Variants in RIMS2 observed in about 807,000 individuals in gnomAD.
RIMS2 encodes the protein regulating synaptic membrane exocytosis protein 2.
A neutral mutation model predicts 174.4 loss-of-function variants in RIMS2; 59 were observed. The observed-to-expected ratio is 0.34, with a 90% confidence interval of 0.27 to 0.42. RIMS2 has a LOEUF of 0.42. Ranked by LOEUF, RIMS2 falls within the 10% of genes least tolerant of loss-of-function variation. The pLI, the probability that RIMS2 is intolerant of heterozygous loss-of-function variation, is 1.00. For synonymous variants in RIMS2, 606 were observed against 572.5 expected (o/e 1.06, Z -0.84); for missense variants, 1,620 against 1,666.3 (o/e 0.97, Z 0.48).
At chr8:103,589,254 T>G (rs1563908008) in intron 1 of RIMS2, among the ~76,000 whole-genome samples, 1 of 151,560 alleles carries the variant, frequency 6.6e-6, no homozygotes, top group East Asian at 1.9e-4. Context: ...ATAATCCATT[T>G]AAAAATGGGG....
chr8:103,927,884 G>T (rs1287139769), exon 11 of RIMS2: 2 of 1,607,522 alleles, frequency 1.2e-6, no homozygotes, highest in South Asian at 2.2e-5. Context: ...TGTTCCTAGG[G>T]TTCAGGTAAA....
At chr8:104,117,435 C>A (rs1009224864) in intron 19 of RIMS2, among the ~76,000 whole-genome samples, 10 of 151,540 alleles carry the variant, frequency 6.6e-5, no homozygotes, top group Non-Finnish European at 8.8e-5. Flanking sequence ...GCCAGCCAGG[C>A]TGTAGCACAG....
At chr8:104,002,543 G>A (rs1206920023) in intron 17 of RIMS2, among the ~76,000 whole-genome samples, 1 of 152,136 alleles carries the variant, frequency 6.6e-6, no homozygotes, top group Non-Finnish European at 1.5e-5. Context: ...AGTAGCATCA[G>A]TATCTAAGTA....
intron 1 of RIMS2, among the ~76,000 whole-genome samples, chr8:103,510,136 T>C (rs900393699): frequency 6.6e-5 from 10 of 152,188 alleles, no homozygotes; most frequent in Non-Finnish European, 1.3e-4. Flanking sequence ...TAGTTTCTTG[T>C]ATCCTGTAAC....
intron 15 of RIMS2, among the ~76,000 whole-genome samples, chr8:103,967,430 G>A (rs558909573): frequency 1.3e-5 from 2 of 152,008 alleles, no homozygotes; most frequent in South Asian, 2.1e-4. Flanking sequence ...CTGACCCCAC[G>A]TAATCCACCA....
At position 103,931,171 on chromosome 8, in the gene RIMS2, A is replaced by G. The variant is rs1482454391; in HGVS notation, c.2245-92A>G. 5 of 920,486 alleles carry G rather than the reference A, an allele frequency of 5.4e-6. No individual in the cohort carries two copies. The African/African-American group carries it at 6.7e-5, about 12-fold the overall frequency. The allele number at this position is 920,486 out of a possible 1,614,324, so 57.0% of individuals were successfully genotyped here. ...AAAGTTTATATTCTGTGCTAATGTTATTGTAAGAGAATGGGGTGAAGATTG... is the reference window on the plus strand; with the variant it reads ...AAAGTTTATATTCTGTGCTAATGTTGTTGTAAGAGAATGGGGTGAAGATTG... On this transcript the variant is annotated intron_variant, in intron 11 of 23. Coordinates refer to ENST00000504942, the Ensembl canonical transcript of RIMS2.
chr8:103,534,508 C>A (rs572962979), intron 1 of RIMS2, among the ~76,000 whole-genome samples: 1 of 152,302 alleles, frequency 6.6e-6, no homozygotes, highest in South Asian at 2.1e-4. Context: ...TATAAGTATC[C>A]TCTAAGTGAT....
intron 15 of RIMS2, among the ~76,000 whole-genome samples, chr8:103,966,085 G>A (rs1044952998): frequency 6.6e-5 from 10 of 152,068 alleles, no homozygotes; most frequent in African/African-American, 2.4e-4. Flanking sequence ...CATGAGAGAT[G>A]TATTCTTTTC....
chr8:104,192,951 G>C (rs2099005133), intron 19 of RIMS2, among the ~76,000 whole-genome samples: 1 of 152,094 alleles, frequency 6.6e-6, no homozygotes, highest in South Asian at 2.1e-4. Flanking sequence ...GATAAGAAAG[G>C]AGTCAGCACA....
intron 10 of RIMS2, 98 bp downstream of exon 13, chr8:103,921,882 T>G: frequency 1.9e-6 from 1 of 528,492 alleles, no homozygotes; most frequent in Non-Finnish European, 3.4e-6. Flanking sequence ...TCCTAGAACA[T>G]AATTGTGCTT....
At position 103,581,970 on chromosome 8, in the gene RIMS2, C is replaced by G. The variant is rs548113946; in HGVS notation, c.176+80908C>G. On this transcript the variant is annotated intron_variant, in intron 1 of 23. Coordinates refer to ENST00000504942, the Ensembl canonical transcript of RIMS2. The stretch of plus-strand genomic sequence containing the variant: ...ACTGGTGCAGCCAGGGGAATGTAAG[C>G]ATCACTCCTTCCCTAAACCCAGGCT... 2.6e-5 allele frequency among the ~76,000 whole-genome samples: 4 copies of G among 152,338 alleles called. No homozygotes were observed. In the East Asian group the frequency reaches 7.7e-4, roughly 29 times the overall value.
At chr8:103,518,166 T>C (rs887958063) in intron 1 of RIMS2, among the ~76,000 whole-genome samples, 9 of 152,156 alleles carry the variant, frequency 5.9e-5, no homozygotes, top group African/African-American at 1.9e-4. Context: ...TTGTTCTAAA[T>C]ATCCAACCAT....
chr8:103,539,984 C>T (rs538597146), intron 1 of RIMS2, among the ~76,000 whole-genome samples: 1 of 152,364 alleles, frequency 6.6e-6, no homozygotes, highest in Non-Finnish European at 1.5e-5. Context: ...CCTGACCAAA[C>T]CCTGGAGCCA....
chr8:104,074,709 A>G (rs985074303), intron 19 of RIMS2, among the ~76,000 whole-genome samples: 19 of 152,090 alleles, frequency 1.2e-4, no homozygotes, highest in African/African-American at 4.6e-4. Context: ...ATTAAAGGAG[A>G]CTGGAACATA....
intron 1 of RIMS2, among the ~76,000 whole-genome samples, chr8:103,579,242 C>G (rs1220589452): frequency 6.8e-6 from 1 of 146,448 alleles, no homozygotes; most frequent in Non-Finnish European, 1.5e-5. Flanking sequence ...CTCTCTCTCC[C>G]TCTCTCTCTG....
chr8:103,915,444 C>A, intron 6 of RIMS2, 51 bp from the exon 10 acceptor site: 1 of 1,088,908 alleles, frequency 9.2e-7, no homozygotes, highest in East Asian at 2.4e-5. Flanking sequence ...AATCTTCAAC[C>A]ATGCTCATTT....
chr8:103,685,132 A>G (rs1458874651), intron 1 of RIMS2, among the ~76,000 whole-genome samples: 2 of 143,646 alleles, frequency 1.4e-5, no homozygotes, highest in Admixed American at 6.9e-5. Context: ...TTCAATTACT[A>G]TTTATGTTAG....
At chr8:104,078,569 G>C (rs1028391039) in intron 19 of RIMS2, among the ~76,000 whole-genome samples, 1 of 152,122 alleles carries the variant, frequency 6.6e-6, no homozygotes, top group African/African-American at 2.4e-5. Context: ...AAGCTCTAGC[G>C]TCAAGTACAG....
chr8:103,834,481 G>A (rs1263599708), intron 3 of RIMS2, among the ~76,000 whole-genome samples: 2 of 151,130 alleles, frequency 1.3e-5, no homozygotes, highest in African/African-American at 4.9e-5. Flanking sequence ...GGATTGTAGG[G>A]GGCATGCCAC....
Sources: gnomAD v4.1 joint callset for allele counts (sites outside exome capture counted in the v4.1 genomes callset) on GRCh38, gnomAD v4.1.1 for gene constraint, MANE v1.5 for transcripts, NCBI Gene and HGNC (gene_info 2026-07-23, HGNC 2026-07-21) for gene names.